Variants in KALRN observed in about 807,000 individuals in gnomAD.
KALRN encodes kalirin RhoGEF kinase.
KALRN carries 70 observed loss-of-function variants against 353.7 expected under a neutral mutation model. The ratio of observed to expected loss-of-function variants is 0.20; its 90% CI spans 0.16 to 0.24. KALRN has a LOEUF of 0.24. KALRN is among the 10% of genes least tolerant of loss of function. The probability of loss-of-function intolerance (pLI) is 1.00; values close to 1 mark genes in which losing one functional copy is unlikely to be tolerated. For missense variants in KALRN, 2,791 were observed against 3,756.7 expected (o/e 0.74, Z 6.72); for synonymous variants, 1,391 against 1,434.8 (o/e 0.97, Z 0.69).
intron 43 of KALRN, among the ~76,000 whole-genome samples, chr3:124,660,586 CA>C (rs1035329058): frequency 2.0e-5 from 3 of 147,902 alleles, no homozygotes; most frequent in African/African-American, 7.6e-5. Context: ...GAGGCTGAGG[CA>C]GGAGAATCGC....
intron 32 of KALRN, among the ~76,000 whole-genome samples, chr3:124,494,503 T>C (rs1186093561): frequency 6.6e-6 from 1 of 152,244 alleles, no homozygotes; most frequent in African/African-American, 2.4e-5. Context: ...ACAGATGATC[T>C]AAAAGTCCTT....
chr3:124,432,610 A>G (rs1255271652), intron 16 of KALRN, among the ~76,000 whole-genome samples: 2 of 152,230 alleles, frequency 1.3e-5, no homozygotes, highest in African/African-American at 2.4e-5. Flanking sequence ...ATGGTGGCCA[A>G]GTAAGACCAA....
intron 10 of KALRN, among the ~76,000 whole-genome samples, chr3:124,362,132 G>A (rs2084119357): frequency 6.6e-6 from 1 of 152,118 alleles, no homozygotes; most frequent in African/African-American, 2.4e-5. Flanking sequence ...TGCAGGCAAT[G>A]AGGAAAGGAA....
At chr3:124,260,651 G>A (rs942648010) in intron 3 of KALRN, among the ~76,000 whole-genome samples, 1 of 152,050 alleles carries the variant, frequency 6.6e-6, no homozygotes, top group Non-Finnish European at 1.5e-5. Context: ...AGGGGAAGAG[G>A]GATGTGCAGC....
At chr3:124,194,156 G>C (rs2075210271) in intron 1 of KALRN, among the ~76,000 whole-genome samples, 1 of 152,190 alleles carries the variant, frequency 6.6e-6, no homozygotes, top group Non-Finnish European at 1.5e-5. Context: ...TAGAGAGCAA[G>C]AGAAGGTTTC....
chr3:124,152,628 C>T, intron 1 of KALRN: 1 of 572,840 alleles, frequency 1.7e-6, no homozygotes, highest in Non-Finnish European at 2.9e-6. Context: ...GAGCCTCTCT[C>T]TGTTGCCCAG....
In KALRN at chr3:124,632,341, G is replaced by A. The variant is rs191484375; in HGVS notation, c.5183-79G>A. The A allele has an allele frequency of 3.9e-5, 54 of 1,391,606 alleles. No individual in the cohort carries two copies. The East Asian group carries it at 1.1e-3, about 28-fold the overall frequency. 86.2% of individuals were successfully genotyped at this position (1,391,606 alleles called of 1,614,324 possible). A position where few individuals can be genotyped will look rare whatever the true frequency, so the allele number is the denominator to read the frequency against. ...TCTGCCTTGTGTCCTAGCTTCCTGAGGATGGAGCTGTCTCAGTCCCAGGTT... is the reference window on the plus strand; with the variant it reads ...TCTGCCTTGTGTCCTAGCTTCCTGAAGATGGAGCTGTCTCAGTCCCAGGTT... On this transcript the variant is annotated intron_variant, in intron 34 of 59. Coordinates refer to ENST00000682506, the MANE Select transcript of KALRN (RefSeq NM_001388419.1).
chr3:124,250,581 G>T (rs536691070), intron 3 of KALRN, among the ~76,000 whole-genome samples: 2 of 152,340 alleles, frequency 1.3e-5, no homozygotes, highest in East Asian at 3.9e-4. Context: ...ACAGGTCACA[G>T]TCTTTGTCAC....
At chr3:124,217,436 A>G (rs757175910) in intron 1 of KALRN, among the ~76,000 whole-genome samples, 18 of 152,264 alleles carry the variant, frequency 1.2e-4, no homozygotes, top group South Asian at 2.1e-4. Context: ...GGTTCATGCT[A>G]TCTCATTTCC....
chr3:124,530,132 A>G (rs533360937), intron 33 of KALRN, among the ~76,000 whole-genome samples: 1 of 152,314 alleles, frequency 6.6e-6, no homozygotes, highest in South Asian at 2.1e-4. Flanking sequence ...CCCTGGTAGC[A>G]AGTGAAGCTG....
At chr3:124,171,990 G>T (rs2071908250) in intron 1 of KALRN, among the ~76,000 whole-genome samples, 1 of 152,170 alleles carries the variant, frequency 6.6e-6, no homozygotes, top group Non-Finnish European at 1.5e-5. Context: ...CAGGGGTTTG[G>T]GAGGTGGACA....
intron 5 of KALRN, among the ~76,000 whole-genome samples, chr3:124,280,013 G>A (rs1278270444): frequency 1.3e-5 from 2 of 152,206 alleles, no homozygotes; most frequent in African/African-American, 2.4e-5. Context: ...GGAGGTCTGT[G>A]TTCATGCCAT....
At chr3:124,056,393 C>T (rs1164766381) in intron 1 of KALRN, among the ~76,000 whole-genome samples, 2 of 152,096 alleles carry the variant, frequency 1.3e-5, no homozygotes, top group Non-Finnish European at 2.9e-5. Context: ...TGTCCCCAGC[C>T]TGGAGAGGGG....
intron 1 of KALRN, among the ~76,000 whole-genome samples, chr3:124,159,961 TG>T (rs1328217112): frequency 2.0e-5 from 3 of 151,476 alleles, no homozygotes; most frequent in Admixed American, 1.3e-4. Context: ...AGGTGCTAGA[TG>T]AAAAAACGAA....
intron 1 of KALRN, among the ~76,000 whole-genome samples, chr3:124,130,460 A>G (rs2065150165): frequency 6.6e-6 from 1 of 152,214 alleles, no homozygotes; most frequent in African/African-American, 2.4e-5. Flanking sequence ...TTTTCCAGTG[A>G]TACTTTAAAA....
chr3:124,312,642 T>C (rs1195806963), intron 6 of KALRN, among the ~76,000 whole-genome samples: 1 of 152,226 alleles, frequency 6.6e-6, no homozygotes, highest in Non-Finnish European at 1.5e-5. Flanking sequence ...TTAGGGAAGC[T>C]GAAGTAAGAG....
At chr3:124,602,751 C>T (rs1004188371) in intron 34 of KALRN, among the ~76,000 whole-genome samples, 2 of 152,092 alleles carry the variant, frequency 1.3e-5, no homozygotes, top group Non-Finnish European at 2.9e-5. Flanking sequence ...TCCATGGTAA[C>T]GATGAACAGG....
At chr3:124,533,905 CACT>C (rs1444338917) in intron 33 of KALRN, among the ~76,000 whole-genome samples, 1 of 152,110 alleles carries the variant, frequency 6.6e-6, no homozygotes. Flanking sequence ...ATCTGGCAAA[CACT>C]ACCTCAGTCA....
At chr3:124,539,006 G>T (rs537560984) in intron 33 of KALRN, among the ~76,000 whole-genome samples, 1 of 152,164 alleles carries the variant, frequency 6.6e-6, no homozygotes. Context: ...CTACCATGCT[G>T]TCGCATGGTG....
Sources: gnomAD v4.1 joint callset for allele counts (sites outside exome capture counted in the v4.1 genomes callset) on GRCh38, gnomAD v4.1.1 for gene constraint, MANE v1.5 for transcripts, NCBI Gene and HGNC (gene_info 2026-07-23, HGNC 2026-07-21) for gene names.